Variants in MTSS1 observed in about 807,000 individuals in gnomAD.
MTSS1 encodes protein MTSS 1.
In MTSS1, 18 loss-of-function variants were observed where a neutral mutation model predicts 79.0. The observed-to-expected ratio is 0.23, with a 90% CI of 0.16 to 0.34. MTSS1 has a LOEUF of 0.34. MTSS1 is among the 10% of genes least tolerant of loss of function. The pLI, the probability that MTSS1 is intolerant of heterozygous loss-of-function variation, is 1.00. For synonymous variants in MTSS1, 341 were observed against 368.6 expected, an observed-to-expected ratio of 0.93 and a Z score of 0.86; for missense variants, 815 against 986.2, an observed-to-expected ratio of 0.83 and a Z score of 2.33.
intron 1 of MTSS1, among the ~76,000 whole-genome samples, chr8:124,717,405 A>G (rs1832216829): frequency 6.6e-6 from 1 of 152,000 alleles, no homozygotes; most frequent in African/African-American, 2.4e-5. Flanking sequence ...CTGAGGCAGG[A>G]GAATCTCTTG....
At chr8:124,565,993 G>A in intron 8 of MTSS1, 2 of 336,370 alleles carry the variant, frequency 5.9e-6, no homozygotes, top group South Asian at 6.0e-5. Flanking sequence ...GGAAAGGAAG[G>A]GAAAAGGAAA....
chr8:124,646,391 C>G (rs1819006541), intron 3 of MTSS1, among the ~76,000 whole-genome samples: 1 of 152,080 alleles, frequency 6.6e-6, no homozygotes, highest in Non-Finnish European at 1.5e-5. Flanking sequence ...ACCATTCATT[C>G]ATTTAAAAAA....
chr8:124,714,619 G>A (rs1008955547), intron 1 of MTSS1, among the ~76,000 whole-genome samples: 1 of 152,014 alleles, frequency 6.6e-6, no homozygotes, highest in Non-Finnish European at 1.5e-5. Context: ...GTGCCATCAT[G>A]TTCAGCTAAT....
Position 124,625,785 on chromosome 8 carries a change from C to T in MTSS1, c.209-34550G>A, listed in dbSNP as rs192490951. Among the ~76,000 whole-genome samples, 329 of 152,270 alleles carry T rather than the reference C, an allele frequency of 2.2e-3. 1 individual carries two copies. The highest frequency in any genetic ancestry group is 7.4e-3 in the African/African-American group (309 of 41,538). On this transcript the variant is annotated intron_variant, in intron 3 of 13. Coordinates refer to ENST00000518547, the MANE Select transcript of MTSS1 (RefSeq NM_014751.6). ...CTTTTATTTCAAGATGAACAGACTC[C>T]CAGGCACTGCTGCAAGATACGAAGG...
intron 3 of MTSS1, among the ~76,000 whole-genome samples, chr8:124,601,685 C>A (rs943767754): frequency 6.6e-6 from 1 of 152,176 alleles, no homozygotes; most frequent in Non-Finnish European, 1.5e-5. Context: ...GTTGCCTCAG[C>A]GTGCATCACT....
intron 3 of MTSS1, among the ~76,000 whole-genome samples, chr8:124,697,028 C>G (rs1485597121): frequency 6.6e-6 from 1 of 152,042 alleles, no homozygotes; most frequent in Admixed American, 6.6e-5. Context: ...TCAAAGATGA[C>G]AATTTCCAGG....
intron 2 of MTSS1, among the ~76,000 whole-genome samples, chr8:124,700,778 C>T (rs1280619164): frequency 6.6e-6 from 1 of 152,108 alleles, no homozygotes; most frequent in East Asian, 1.9e-4. Context: ...CAAACAAGCC[C>T]CAGAACTAGA....
intron 3 of MTSS1, among the ~76,000 whole-genome samples, chr8:124,664,017 C>A (rs1462648566): frequency 6.6e-6 from 1 of 152,210 alleles, no homozygotes; most frequent in Non-Finnish European, 1.5e-5. Flanking sequence ...AAGCAAAGCA[C>A]AGCACAGAAG....
chr8:124,588,373 G>C (rs3910088), intron 5 of MTSS1, among the ~76,000 whole-genome samples: 37,449 of 151,890 alleles, frequency 0.25, 4,650 homozygotes, highest in African/African-American at 0.29. Flanking sequence ...CCCCCATAGC[G>C]CCTAGCATGT....
intron 6 of MTSS1, chr8:124,568,921 G>A (rs1827155501): frequency 1.6e-6 from 2 of 1,281,460 alleles, no homozygotes; most frequent in South Asian, 2.1e-5. Context: ...CAAGGTAAGA[G>A]CCTGTGGGTG....
intron 3 of MTSS1, chr8:124,673,657 A>C (rs1483722458): frequency 6.6e-6 from 1 of 150,664 alleles, no homozygotes; most frequent in Non-Finnish European, 1.5e-5. Context: ...CTACAAGAAG[A>C]GAAGGAGACC....
chr8:124,636,009 TCA>T (rs1461774964), intron 3 of MTSS1, among the ~76,000 whole-genome samples: 2 of 152,046 alleles, frequency 1.3e-5, no homozygotes, highest in East Asian at 3.9e-4. Flanking sequence ...ACCAATACAT[TCA>T]CACTGGAGGG....
chr8:124,712,380 C>G (rs868296534), intron 1 of MTSS1, among the ~76,000 whole-genome samples: 1 of 152,194 alleles, frequency 6.6e-6, no homozygotes, highest in Non-Finnish European at 1.5e-5. Context: ...AGCTGCTTTA[C>G]GCAGCTTCCA....
chr8:124,574,622 T>C (rs1394092572), intron 6 of MTSS1, among the ~76,000 whole-genome samples: 1 of 152,220 alleles, frequency 6.6e-6, no homozygotes. Flanking sequence ...TTATCTGTAC[T>C]GGCCCAGCCT....
chr8:124,614,879 A>G (rs1360890746), intron 3 of MTSS1, among the ~76,000 whole-genome samples: 2 of 152,222 alleles, frequency 1.3e-5, no homozygotes, highest in Non-Finnish European at 2.9e-5. Context: ...GGATTAGTCA[A>G]TAAAATAGTC....
rs185504603 is a variant in MTSS1, at chr8:124,708,466, A to T, written c.73-4275T>A. Among the ~76,000 whole-genome samples, 29 of 152,320 alleles carry T rather than the reference A, an allele frequency of 1.9e-4. No individual in the cohort carries two copies. In the East Asian group the frequency reaches 5.4e-3, roughly 28 times the overall value. ...TGGTGTGGAACCAGCCAACATGGGA[A>T]GCATCTGCATCTCCCTATTAGTAAA... On this transcript the variant is annotated intron_variant, in intron 1 of 13. Coordinates refer to ENST00000518547, the MANE Select transcript of MTSS1 (RefSeq NM_014751.6).
chr8:124,692,832 G>A (rs1184604308), intron 3 of MTSS1, among the ~76,000 whole-genome samples: 3 of 152,102 alleles, frequency 2.0e-5, no homozygotes, highest in Non-Finnish European at 2.9e-5. Context: ...CTGTTTGCAC[G>A]CAGTCGTTCA....
chr8:124,556,152 G>T lies in MTSS1; in HGVS notation c.1404+80C>A, dbSNP rs565115426. 3.1e-6 allele frequency: 5 copies of T among 1,599,736 alleles called. No individual in the cohort carries two copies. The East Asian group carries it at 9.1e-5, about 29-fold the overall frequency. On this transcript the variant is annotated intron_variant, in intron 12 of 13. Coordinates refer to ENST00000518547, the MANE Select transcript of MTSS1 (RefSeq NM_014751.6). ...TCCCTCCAGCTGCAAGGCTGCCTTG[G>T]CCCCCCAGTTGCTGGCCAGAATGTG...
intron 3 of MTSS1, among the ~76,000 whole-genome samples, chr8:124,656,509 C>T (rs1410494097): frequency 2.0e-5 from 3 of 150,420 alleles, no homozygotes; most frequent in African/African-American, 4.9e-5. Flanking sequence ...CAGTGGCTCA[C>T]GCCTGTAATC....
Sources: gnomAD v4.1 joint callset for allele counts (sites outside exome capture counted in the v4.1 genomes callset) on GRCh38, gnomAD v4.1.1 for gene constraint, MANE v1.5 for transcripts, NCBI Gene and HGNC (gene_info 2026-07-23, HGNC 2026-07-21) for gene names.